Variants in LRRC27 observed in about 807,000 individuals in gnomAD.
LRRC27 encodes the protein leucine rich repeat containing 27, also known as leucine-rich repeat-containing protein 27.
LRRC27 carries 57 observed loss-of-function variants against 55.0 expected under a neutral mutation model. That is an observed-to-expected ratio of 1.04 (90% CI 0.84 to 1.29). The LOEUF is 1.29. LRRC27 is among the 50% of genes most tolerant of loss of function. The pLI is 0.00. For missense variants in LRRC27, 721 were observed against 651.5 expected (o/e 1.11, Z -1.16); for synonymous variants, 278 against 251.9 (o/e 1.10, Z -0.98).
upstream of LRRC27, chr10:132,330,174 A>C: frequency 2.3e-6 from 1 of 434,066 alleles, no homozygotes; most frequent in East Asian, 4.3e-5. Flanking sequence ...AGCACAGTAA[A>C]GGGCAAAACA....
At chr10:132,353,090 C>A in intron 7 of LRRC27, 1 of 1,509,150 alleles carries the variant, frequency 6.6e-7, no homozygotes, top group Non-Finnish European at 8.8e-7. Context: ...GTCCGGCTGG[C>A]ATGGACCACA....
At chr10:132,336,789 C>T (rs2067154421) in intron 2 of LRRC27, 1 of 772,670 alleles carries the variant, frequency 1.3e-6, no homozygotes, top group South Asian at 1.4e-5. Context: ...TTTCTACTCC[C>T]TCAGGAAATA....
chr10:132,348,472 G>GT lies in LRRC27; in HGVS notation c.926+119dup. 1.4e-6 allele frequency: 2 copies of GT among 1,395,208 alleles called. No individual in the cohort carries two copies. The highest frequency in any genetic ancestry group is 2.8e-5 in the South Asian group (2 of 71,990). The allele number at this position is 1,395,208 out of a possible 1,614,324, so 86.4% of individuals were successfully genotyped here. ...TTAAAGTGTCCTCCACGTTGCCACC[G>GT]TTTACTGTGCAGTGAGTGCCGGTCC... On this transcript the variant is annotated intron_variant, in intron 6 of 10. Transcript: ENST00000368614. The surrounding 1 kb of genome is among the most constrained non-coding windows in gnomAD (Gnocchi z 4.2).
chr10:132,374,583 T>A lies in LRRC27; in HGVS notation c.1417-483T>A, dbSNP rs1222433824. On this transcript the variant is annotated intron_variant, in intron 10 of 10. Transcript: ENST00000368614. The surrounding 1 kb of genome is among the most constrained non-coding windows in gnomAD (Gnocchi z 4.4). ...CCTGTAGGAACCCCTGATCCACAGCTTCTGTGTCTGTGGGGTGGGGGTGGC... is the reference window on the plus strand; with the variant it reads ...CCTGTAGGAACCCCTGATCCACAGCATCTGTGTCTGTGGGGTGGGGGTGGC... Among the ~76,000 whole-genome samples the A allele has an allele frequency of 6.6e-6, 1 of 152,218 alleles. No individual in the cohort carries two copies. The highest frequency in any genetic ancestry group is 6.5e-5 in the Admixed American group (1 of 15,292).
At chr10:132,359,247 C>A (rs568469347) in intron 8 of LRRC27, among the ~76,000 whole-genome samples, 1 of 152,066 alleles carries the variant, frequency 6.6e-6, no homozygotes, top group African/African-American at 2.4e-5. Context: ...AAGTTAAGAG[C>A]GTGTCCTTTG....
chr10:132,365,311 C>T, intron 9 of LRRC27, 113 bp from the exon 10 acceptor site: 5 of 1,431,192 alleles, frequency 3.5e-6, no homozygotes, highest in African/African-American at 2.8e-5. Flanking sequence ...AGCCTCAGGA[C>T]CGCTGTTTGG....
Position 132,379,090 on chromosome 10 carries a change from C to A in LRRC27, c.*3848C>A, listed in dbSNP as rs1445171008. The A allele has an allele frequency of 6.9e-6, 1 of 145,566 alleles. No individual in the cohort carries two copies. The highest frequency in any genetic ancestry group is 2.6e-5 in the African/African-American group (1 of 38,116). 9.0% of individuals were successfully genotyped at this position (145,566 alleles called of 1,614,324 possible). On this transcript the variant is annotated 3_prime_UTR_variant, in exon 11 of 11. Transcript: ENST00000368614. ...GCATTTCCTCTCACCTCTGTGTTCTCGGGGAGTGCGTGGTGTCAGATCCCA... is the reference window on the plus strand; with the variant it reads ...GCATTTCCTCTCACCTCTGTGTTCTAGGGGAGTGCGTGGTGTCAGATCCCA...
In LRRC27 at chr10:132,380,621, T is replaced by G. The variant is rs1478553305; in HGVS notation, c.*5379T>G. 1.3e-5 allele frequency among the ~76,000 whole-genome samples: 2 copies of G among 152,148 alleles called. No individual in the cohort carries two copies. The highest frequency in any genetic ancestry group is 4.8e-5 in the African/African-American group (2 of 41,434). The stretch of plus-strand genomic sequence containing the variant: ...CTGCAGTGAGCTGTGATTGCACCAC[T>G]GCACTCAAGCCTGGGCAACAGAGTG... On this transcript the variant is annotated 3_prime_UTR_variant, in exon 11 of 11. Coordinates refer to ENST00000368614, the MANE Select transcript of LRRC27 (RefSeq NM_030626.3).
At chr10:132,331,803 C>G (rs772691054), upstream of LRRC27, 16 of 1,596,314 alleles carry the variant, frequency 1.0e-5, no homozygotes, top group Admixed American at 2.2e-4. Flanking sequence ...TCTCTACTTG[C>G]CCGTCGACCA....
At position 132,333,733 on chromosome 10, in the gene LRRC27, A is replaced by G. The variant is rs767894616; in HGVS notation, c.209A>G (p.Gln70Arg). 6.2e-7 allele frequency: 1 copy of G among 1,611,932 alleles called. No individual in the cohort carries two copies. The highest frequency in any genetic ancestry group is 8.5e-7 in the Non-Finnish European group (1 of 1,179,510). Residue 70 changes from glutamine to arginine, a missense_variant and splice_region_variant, in exon 2 of 11, where the codon CAA becomes CGA. By Grantham distance (43) the Gln-to-Arg change is conservative. Transcript: ENST00000368614. The stretch of plus-strand genomic sequence containing the variant: ...GAGGTCTTTAGAATCCCCAGCCTTC[A>G]AGTAAGTGGGGCTGCTCCTCAGGCT... Reference protein sequence around the residue: ...LEEVFRIPSLQQLHLQRNALC... With the variant: ...LEEVFRIPSLRQLHLQRNALC...
chr10:132,368,358 A>C (rs1007694411), intron 10 of LRRC27, among the ~76,000 whole-genome samples: 3 of 152,222 alleles, frequency 2.0e-5, no homozygotes, highest in Non-Finnish European at 4.4e-5. Context: ...AGAGGATGAG[A>C]CCTAGAATAT....
chr10:132,342,162 A>T (rs957482413), intron 3 of LRRC27, 51 bp from the exon 4 acceptor site: 1 of 1,138,894 alleles, frequency 8.8e-7, no homozygotes. Context: ...TTTTGGAGAT[A>T]GTCAATTAAA....
At chr10:132,338,985 C>T (rs960946456) in intron 3 of LRRC27, among the ~76,000 whole-genome samples, 12 of 152,178 alleles carry the variant, frequency 7.9e-5, no homozygotes, top group Non-Finnish European at 1.6e-4. Flanking sequence ...GCTGGGATGA[C>T]AGGCATGAGC....
chr10:132,350,546 G>A (rs2067955883), intron 6 of LRRC27: 1 of 152,368 alleles, frequency 6.6e-6, no homozygotes, highest in African/African-American at 2.4e-5. Flanking sequence ...CCGTGCAGAT[G>A]GGGAAGACGA....
chr10:132,347,258 T>C (rs2067747673), intron 5 of LRRC27, among the ~76,000 whole-genome samples: 1 of 152,180 alleles, frequency 6.6e-6, no homozygotes, highest in African/African-American at 2.4e-5. Context: ...GTAAGGCCTA[T>C]GTGGGAAGGT....
At chr10:132,333,314 C>CTTT (rs10690076) in intron 1 of LRRC27, among the ~76,000 whole-genome samples, 163 bp from the exon 2 acceptor site, 5,569 of 149,200 alleles carry the variant, frequency 0.037, 191 homozygotes, top group African/African-American at 0.081. Flanking sequence ...CTTTGTATTC[C>CTTT]TTTTTTTTTT....
At chr10:132,357,690 C>T (rs961407617) in intron 8 of LRRC27, among the ~76,000 whole-genome samples, 2 of 152,230 alleles carry the variant, frequency 1.3e-5, no homozygotes, top group African/African-American at 4.8e-5. Flanking sequence ...AGTTGTGCTT[C>T]TGAGTCCTGT....
At position 132,374,965 on chromosome 10, in the gene LRRC27, C is replaced by A. The variant is rs896277246; in HGVS notation, c.1417-101C>A. 2 of 1,303,762 alleles carry A rather than the reference C, an allele frequency of 1.5e-6. No individual in the cohort carries two copies. Among genetic ancestry groups the A allele is most frequent in the South Asian group, 2.8e-5 (2 of 70,274 alleles). 80.8% of individuals were successfully genotyped at this position (1,303,762 alleles called of 1,614,324 possible). On this transcript the variant is annotated intron_variant, in intron 10 of 10. Coordinates refer to ENST00000368614, the MANE Select transcript of LRRC27 (RefSeq NM_030626.3). This position sits in a 1 kb window ranked among gnomAD's most constrained non-coding sequence, Gnocchi z 4.4. The stretch of plus-strand genomic sequence containing the variant: ...GCAGCGGGGCTGGCTCTGCTGACGC[C>A]CACATGGCCTGGGCCCCACGTGGAA...
At chr10:132,335,926 A>T (rs1357499206) in intron 2 of LRRC27, among the ~76,000 whole-genome samples, 2 of 152,156 alleles carry the variant, frequency 1.3e-5, no homozygotes, top group Admixed American at 6.5e-5. Flanking sequence ...GGGTGAGGGC[A>T]ACTAAGGGGT....
Sources: allele counts gnomAD v4.1 joint callset (sites outside exome capture counted in the v4.1 genomes callset), GRCh38; gene constraint gnomAD v4.1.1; non-coding constraint Gnocchi (gnomAD v3.1); transcripts MANE v1.5; gene names NCBI Gene and HGNC (gene_info 2026-07-23, HGNC 2026-07-21).